Variants in DPP4 observed in about 807,000 individuals in gnomAD.
The protein encoded by DPP4 is dipeptidyl peptidase 4, also known as ADCP-2.
DPP4 carries 93 observed loss-of-function variants against 122.4 expected under a neutral mutation model. The observed-to-expected ratio is 0.76, with a 90% confidence interval of 0.64 to 0.90. The LOEUF (loss-of-function observed/expected upper bound fraction) is 0.90, where lower values mean the gene tolerates loss of function less well. Ranked by LOEUF, DPP4 falls within the 40% of genes least tolerant of loss-of-function variation. The pLI, the probability that DPP4 is intolerant of heterozygous loss-of-function variation, is 0.00. For missense variants in DPP4, 914 were observed against 907.3 expected (o/e 1.01, Z -0.09); for synonymous variants, 321 against 302.9 (o/e 1.06, Z -0.62).
chr2:162,052,372 G>A (rs1356211448), intron 2 of DPP4, among the ~76,000 whole-genome samples: 1 of 148,660 alleles, frequency 6.7e-6, no homozygotes, highest in Non-Finnish European at 1.5e-5. Context: ...GAGGGAACTC[G>A]CTGCTGCCTT....
At chr2:162,073,902 T>G in intron 1 of DPP4, 74 bp downstream of exon 1, 1 of 1,589,656 alleles carries the variant, frequency 6.3e-7, no homozygotes, top group South Asian at 1.1e-5. Flanking sequence ...TTCGCCAGCT[T>G]TTGGGCCATT....
intron 5 of DPP4, among the ~76,000 whole-genome samples, chr2:162,042,117 G>A (rs917240228): frequency 8.5e-5 from 13 of 152,178 alleles, no homozygotes; most frequent in African/African-American, 2.9e-4. Flanking sequence ...ACATTTAAGA[G>A]CAAAGGCTTT....
rs1405757107 is a variant in DPP4, at chr2:162,074,127, G to A, written c.-146C>T. ...AGTTTCGGCCCCGAGTTAAACATTA[G>A]TGAGCGCCGAGCCCGCTGGGTATAA... On this transcript the variant is annotated 5_prime_UTR_variant, in exon 1 of 26. Transcript: ENST00000360534. The A allele has an allele frequency of 1.3e-5, 19 of 1,416,354 alleles. No homozygotes were observed. The Admixed American group carries it at 4.3e-4, about 32-fold the overall frequency. The allele number at this position is 1,416,354 out of a possible 1,614,324, so 87.7% of individuals were successfully genotyped here. A position where few individuals can be genotyped will look rare whatever the true frequency, so the allele number is the denominator to read the frequency against.
intron 7 of DPP4, 100 bp downstream of exon 7, chr2:162,038,849 A>T: frequency 2.9e-6 from 3 of 1,035,558 alleles, no homozygotes; most frequent in Non-Finnish European, 4.5e-6. Flanking sequence ...ATAGTGAAGT[A>T]TTGAGTTCCT....
chr2:162,001,849 C>T (rs1701157388), intron 23 of DPP4, among the ~76,000 whole-genome samples: 1 of 152,208 alleles, frequency 6.6e-6, no homozygotes, highest in African/African-American at 2.4e-5. Context: ...TACCCTTTAG[C>T]TCAGATTTGT....
At chr2:162,054,767 T>A (rs1274721597) in intron 2 of DPP4, among the ~76,000 whole-genome samples, 1 of 152,216 alleles carries the variant, frequency 6.6e-6, no homozygotes, top group Non-Finnish European at 1.5e-5. Context: ...TTTCTGTTGC[T>A]TATAAATTAC....
In DPP4 at chr2:162,038,766, G is replaced by A. The variant is rs183841655; in HGVS notation, c.492+183C>T. Among the ~76,000 whole-genome samples the A allele has an allele frequency of 7.2e-5, 11 of 152,204 alleles. No homozygotes were observed. The East Asian group carries it at 2.1e-3, about 29-fold the overall frequency. On this transcript the variant is annotated intron_variant, in intron 7 of 25. Transcript: ENST00000360534. ...TTATTGGGAGAGTGAGTAGAGAGAA[G>A]GCAGTTGCATTCTGGAAGAGAGAAG...
chr2:162,015,152 A>T (rs1682864657), intron 18 of DPP4, among the ~76,000 whole-genome samples: 1 of 152,230 alleles, frequency 6.6e-6, no homozygotes, highest in Admixed American at 6.5e-5. Context: ...ATACTAATAG[A>T]TCTATAAAAA....
chr2:162,029,462 C>G (rs935856277), intron 10 of DPP4, among the ~76,000 whole-genome samples: 1 of 152,208 alleles, frequency 6.6e-6, no homozygotes, highest in Non-Finnish European at 1.5e-5. Flanking sequence ...TGACAAATCC[C>G]TCAGGAGAGG....
At chr2:162,055,008 A>G (rs1026802131) in intron 2 of DPP4, among the ~76,000 whole-genome samples, 2 of 152,224 alleles carry the variant, frequency 1.3e-5, no homozygotes, top group Non-Finnish European at 2.9e-5. Context: ...AGAATACAAA[A>G]AAGAATATAA....
intron 2 of DPP4, among the ~76,000 whole-genome samples, chr2:162,071,844 G>GC (rs1393798989): frequency 7.2e-5 from 11 of 152,310 alleles, no homozygotes; most frequent in African/African-American, 7.2e-5. Context: ...GCAAGCCTCA[G>GC]ATCCCTAGGC....
chr2:162,019,231 A>G lies in DPP4; in HGVS notation c.1290T>C (p.Asn430=). The G allele has an allele frequency of 1.3e-6, 2 of 1,597,564 alleles. No homozygotes were observed. The highest frequency in any genetic ancestry group is 1.7e-6 in the Non-Finnish European group (2 of 1,168,484). ...CTTGACAGAGCTCTTACTTATAAAG[A>G]TTCCTTCCTCCTGGCATTCCTTTAT... The part of the protein sequence containing the change: ...NEYKGMPGGR[N]LYKIQLSDYT... The change falls in exon 15 of 26, where the codon AAT becomes AAC. Residue 430 remains asparagine (N), a synonymous_variant. Coordinates refer to ENST00000360534, the MANE Select transcript of DPP4 (RefSeq NM_001935.4).
chr2:162,014,237 A>C (rs1682822554), intron 19 of DPP4, among the ~76,000 whole-genome samples, 159 bp downstream of exon 19: 1 of 152,206 alleles, frequency 6.6e-6, no homozygotes. Flanking sequence ...GAGAAAACAC[A>C]GGTTGGGTTT....
intron 23 of DPP4, among the ~76,000 whole-genome samples, chr2:161,999,054 C>A (rs1156256180): frequency 2.6e-5 from 4 of 152,162 alleles, no homozygotes; most frequent in Non-Finnish European, 5.9e-5. Flanking sequence ...GGGAGAGAGG[C>A]AGCTGAGAGA....
chr2:162,021,894 GA>G (rs138687963), intron 12 of DPP4, among the ~76,000 whole-genome samples: 28,505 of 152,100 alleles, frequency 0.19, 2,808 homozygotes, highest in Middle Eastern at 0.25. Context: ...ATCAATGCCT[GA>G]AGAAAAAGGA....
rs542809280 is a variant in DPP4, at chr2:162,058,160, A to G, written c.95-10659T>C. Among the ~76,000 whole-genome samples the G allele has an allele frequency of 1.4e-3, 214 of 152,232 alleles. 1 individual carries two copies. The highest frequency in any genetic ancestry group is 4.9e-3 in the African/African-American group (205 of 41,540). ...ATATAAGAACTGATTCATCTTACCT[A>G]TTGTGATGAAATTAAATAATTAGAA... On this transcript the variant is annotated intron_variant, in intron 2 of 25. Transcript: ENST00000360534.
intron 25 of DPP4, among the ~76,000 whole-genome samples, 188 bp downstream of exon 25, chr2:161,994,773 C>A (rs190644667): frequency 2.0e-4 from 31 of 152,240 alleles, no homozygotes; most frequent in African/African-American, 6.5e-4. Context: ...ACCCCAAACT[C>A]GCTAATATTA....
At chr2:162,066,866 G>T (rs530480676) in intron 2 of DPP4, among the ~76,000 whole-genome samples, 19 of 152,112 alleles carry the variant, frequency 1.2e-4, no homozygotes, top group Non-Finnish European at 2.4e-4. Flanking sequence ...CAGCTGTTAC[G>T]GAAACGAATA....
intron 2 of DPP4, among the ~76,000 whole-genome samples, chr2:162,054,008 G>C (rs1395476795): frequency 1.3e-5 from 2 of 152,130 alleles, no homozygotes; most frequent in Admixed American, 6.5e-5. Context: ...ACCATGGGCC[G>C]TGCCCAGCAA....
Sources: gnomAD v4.1 joint callset for allele counts (sites outside exome capture counted in the v4.1 genomes callset) on GRCh38, gnomAD v4.1.1 for gene constraint, MANE v1.5 for transcripts, NCBI Gene and HGNC (gene_info 2026-07-23, HGNC 2026-07-21) for gene names.